The following UBE2Q1 variants were observed in gnomAD, a reference collection of about 807,000 sequenced individuals.
UBE2Q1 encodes ubiquitin conjugating enzyme E2 Q1.
Under a neutral mutation model 60.1 loss-of-function variants are expected in UBE2Q1, and 6 were observed. The ratio of observed to expected loss-of-function variants is 0.10; its 90% CI spans 0.05 to 0.20. The LOEUF is 0.20. UBE2Q1 is among the 10% of genes least tolerant of loss of function. The pLI is 1.00. For missense variants in UBE2Q1, 262 were observed against 525.8 expected (o/e 0.50, Z 4.91); for synonymous variants, 226 against 208.3 (o/e 1.09, Z -0.73).
At chr1:154,555,771 G>A (rs965207622) in intron 2 of UBE2Q1, 89 bp downstream of exon 2, 146 of 1,238,050 alleles carry the variant, frequency 1.2e-4, no homozygotes, top group Non-Finnish European at 1.6e-4. Flanking sequence ...GCTGTGTACC[G>A]TCCACTTTTC....
At chr1:154,551,133 G>C in intron 11 of UBE2Q1, 129 bp from the exon 12 acceptor site, 1 of 1,104,866 alleles carries the variant, frequency 9.1e-7, no homozygotes, top group South Asian at 1.3e-5. Context: ...AAAACACTAA[G>C]TACCCTCCAC....
chr1:154,555,695 C>T (rs1016097545), intron 2 of UBE2Q1, among the ~76,000 whole-genome samples, 163 bp from the exon 3 acceptor site: 19 of 152,114 alleles, frequency 1.2e-4, no homozygotes, highest in African/African-American at 4.6e-4. Context: ...AATCCCAGGG[C>T]CGATGCAGGG....
chr1:154,558,537 G>GGCTGCGGCT lies in UBE2Q1; in HGVS notation c.8_16dup (p.Gln3_Gln5dup). 1 of 1,079,808 alleles carries GGCTGCGGCT rather than the reference G, an allele frequency of 9.3e-7. No individual in the cohort carries two copies. Among genetic ancestry groups the GGCTGCGGCT allele is most frequent in the Non-Finnish European group, 1.1e-6 (1 of 902,626 alleles). The allele number at this position is 1,079,808 out of a possible 1,614,324, so 66.9% of individuals were successfully genotyped here. A position where few individuals can be genotyped will look rare whatever the true frequency, so the allele number is the denominator to read the frequency against. On this transcript the variant is annotated inframe_insertion, in exon 1 of 13. Coordinates refer to ENST00000292211, the MANE Select transcript of UBE2Q1 (RefSeq NM_017582.7). ...CGGCCCCGGCTGCTGCTGCCCCTGC[G>GGCTGCGGCT]GCTGCGGCTGCTGCATCCTCCGCTC...
chr1:154,558,649 GGT>G lies in UBE2Q1; in HGVS notation c.-98_-97del. On this transcript the variant is annotated 5_prime_UTR_variant, in exon 1 of 13. Coordinates refer to ENST00000292211, the MANE Select transcript of UBE2Q1 (RefSeq NM_017582.7). ...CCGCCGCCGCCGCCGCCGCCGCCGCGGTCCGCACTTCCTGATCCCCCCTTCGC... is the reference window on the plus strand; with the variant it reads ...CCGCCGCCGCCGCCGCCGCCGCCGCGCCGCACTTCCTGATCCCCCCTTCGC... 4.6e-6 allele frequency: 4 copies of G among 878,138 alleles called. No homozygotes were observed. The highest frequency in any genetic ancestry group is 5.4e-6 in the Non-Finnish European group (4 of 739,932). The allele number at this position is 878,138 out of a possible 1,614,324, so 54.4% of individuals were successfully genotyped here. A position where few individuals can be genotyped will look rare whatever the true frequency, so the allele number is the denominator to read the frequency against.
At chr1:154,554,303 T>TA (rs1695845627) in intron 4 of UBE2Q1, among the ~76,000 whole-genome samples, 1 of 140,380 alleles carries the variant, frequency 7.1e-6, no homozygotes, top group Non-Finnish European at 1.5e-5. Context: ...ATATATCAGA[T>TA]AGATTGTTTA....
In UBE2Q1 at chr1:154,552,737, G is replaced by A. The variant is rs201001765; in HGVS notation, c.813C>T (p.Gly271=). 31 of 1,613,758 alleles carry A rather than the reference G, an allele frequency of 1.9e-5. No homozygotes were observed. Among genetic ancestry groups the A allele is most frequent in the Non-Finnish European group, 2.5e-5 (29 of 1,179,866 alleles). The change falls in exon 6 of 13, where the codon GGC becomes GGT. Residue 271 remains glycine (G), a splice_region_variant and synonymous_variant. Transcript: ENST00000292211. ...GGCCCCTCTCTGGGGCAAACTCACC[G>A]CCTTTGAAACTCTGTGATCGGTATA... The part of the protein sequence containing the change: ...RDIYRSQSFK[G]GNYAVELVND...
chr1:154,553,612 A>G (rs1008930875), intron 4 of UBE2Q1: 1 of 161,828 alleles, frequency 6.2e-6, no homozygotes, highest in African/African-American at 2.4e-5. Flanking sequence ...CCCCAAGCCT[A>G]AAGGAGAAAC....
intron 3 of UBE2Q1, chr1:154,555,091 A>AC (rs1695859790): frequency 3.7e-6 from 2 of 543,868 alleles, no homozygotes; most frequent in South Asian, 2.4e-5. Context: ...TCTTCTTTAG[A>AC]CTGATATTGC....
chr1:154,551,041 G>C (rs1193072476), intron 11 of UBE2Q1, 37 bp from the exon 12 acceptor site: 2 of 1,612,506 alleles, frequency 1.2e-6, no homozygotes, highest in Admixed American at 1.7e-5. Context: ...GCCATGGCTA[G>C]CTGTGGCCTT....
intron 6 of UBE2Q1, 82 bp downstream of exon 6, chr1:154,552,654 C>A: frequency 3.9e-6 from 6 of 1,536,582 alleles, no homozygotes; most frequent in Non-Finnish European, 5.3e-6. Context: ...ACTCCTGGAC[C>A]CCAGAACCTC....
Position 154,552,721 on chromosome 1 carries a change from C to G in UBE2Q1, c.814+15G>C, listed in dbSNP as rs779443130. On this transcript the variant is annotated intron_variant, in intron 6 of 12. Transcript: ENST00000292211. ...GGGTGACTCTTGTGCAGGCCCCTCT[C>G]TGGGGCAAACTCACCGCCTTTGAAA... is the stretch of plus-strand genomic sequence containing the variant. 2.5e-5 allele frequency: 41 copies of G among 1,612,652 alleles called. No individual in the cohort carries two copies. The highest frequency in any genetic ancestry group is 8.4e-5 in the Admixed American group (5 of 59,766).
In UBE2Q1 at chr1:154,551,446, C is replaced by A; in HGVS notation, c.1121G>T (p.Ser374Ile). The change falls in exon 11 of 13, where the codon AGT becomes ATT. Residue 374 changes from serine to isoleucine, a missense_variant. This residue lies in a region of UBE2Q1 where 22 missense variants were observed against 121.5 expected (regional missense o/e 0.18). Coordinates refer to ENST00000292211, the MANE Select transcript of UBE2Q1 (RefSeq NM_017582.7). ...YSIESVIMQISATLVKGKARV... is the reference protein window; with the variant it reads ...YSIESVIMQIIATLVKGKARV... ...TGCTTTCCCCTTCACCAGTGTGGCA[C>A]TGATCTGCATGATCACTGACTCTAT... The A allele has an allele frequency of 6.2e-7, 1 of 1,614,204 alleles. No individual in the cohort carries two copies. The highest frequency in any genetic ancestry group is 1.1e-5 in the South Asian group (1 of 91,084).
At position 154,558,334 on chromosome 1, in the gene UBE2Q1, G is replaced by A. The variant is rs1374249024; in HGVS notation, c.220C>T (p.Leu74=). The change falls in exon 1 of 13, where the codon CTG becomes TTG. Residue 74 remains leucine, a synonymous_variant. Coordinates refer to ENST00000292211, the MANE Select transcript of UBE2Q1 (RefSeq NM_017582.7). The part of the protein sequence containing the change: ...ACLDELSCEF[L]LAGAGGAGAG... ...CCGGCCCCTCCGGCCCCAGCCAGCAGGAACTCGCAGCTCAGCTCGTCCAGG... is the reference window on the plus strand; with the variant it reads ...CCGGCCCCTCCGGCCCCAGCCAGCAAGAACTCGCAGCTCAGCTCGTCCAGG... 3.2e-6 allele frequency: 5 copies of A among 1,575,514 alleles called. No homozygotes were observed. The highest frequency in any genetic ancestry group is 3.7e-5 in the Admixed American group (2 of 53,446).
intron 5 of UBE2Q1, 54 bp from the exon 6 acceptor site, chr1:154,552,874 C>T (rs777662477): frequency 3.1e-6 from 5 of 1,604,778 alleles, no homozygotes; most frequent in Admixed American, 1.7e-5. Flanking sequence ...TATAAACACA[C>T]GTTAGACCTT....
At chr1:154,550,908 G>T in intron 12 of UBE2Q1, 30 bp downstream of exon 12, 2 of 1,613,972 alleles carry the variant, frequency 1.2e-6, no homozygotes, top group South Asian at 1.1e-5. Flanking sequence ...GCAAGTGTCC[G>T]AATCTCCTGA....
chr1:154,557,720 A>G (rs2149363114), intron 1 of UBE2Q1, among the ~76,000 whole-genome samples: 1 of 152,296 alleles, frequency 6.6e-6, no homozygotes, highest in African/African-American at 2.4e-5. Flanking sequence ...AAGTTGAGAG[A>G]GCAAGAGGGT....
chr1:154,558,120 A>G (rs996052306), intron 1 of UBE2Q1, 107 bp downstream of exon 1: 30 of 880,110 alleles, frequency 3.4e-5, no homozygotes, highest in South Asian at 1.5e-4. Flanking sequence ...CTGAGCCCTG[A>G]GAGGGGCTTC....
Position 154,551,463 on chromosome 1 carries a change from T to C in UBE2Q1, c.1104A>G (p.Ser368=). The change falls in exon 11 of 13, where the codon TCA becomes TCG. Residue 368 remains serine (S), a synonymous_variant. Transcript: ENST00000292211. ...QGWSSAYSIE[S]VIMQISATLV... ...GTGTGGCACTGATCTGCATGATCAC[T>C]GACTCTATGGAGTAGGCACTGCTCC... 1 of 1,614,218 alleles carries C rather than the reference T, an allele frequency of 6.2e-7. No homozygotes were observed. The highest frequency in any genetic ancestry group is 1.1e-5 in the South Asian group (1 of 91,086).
At chr1:154,552,334 A>C in intron 7 of UBE2Q1, 70 bp downstream of exon 7, 1 of 1,598,124 alleles carries the variant, frequency 6.3e-7, no homozygotes, top group African/African-American at 1.3e-5. Context: ...GCTGCCCTGG[A>C]GATCCCACCA....
Sources: allele counts gnomAD v4.1 joint callset (sites outside exome capture counted in the v4.1 genomes callset), GRCh38; gene constraint gnomAD v4.1.1; regional missense constraint gnomAD v4.1.1; transcripts MANE v1.5; gene names NCBI Gene and HGNC (gene_info 2026-07-23, HGNC 2026-07-21).